Variants in DOCK8 observed in about 807,000 individuals in gnomAD.
DOCK8 encodes the protein dedicator of cytokinesis 8.
Under a neutral mutation model 245.6 loss-of-function variants are expected in DOCK8, and 141 were observed. That is an observed-to-expected ratio of 0.57 (90% CI 0.50 to 0.66). The LOEUF (loss-of-function observed/expected upper bound fraction) is 0.66, where lower values mean the gene tolerates loss of function less well. Among genes scored for constraint, DOCK8 ranks in the 30% least tolerant of loss-of-function variants. The probability of loss-of-function intolerance (pLI) is 0.00; values close to 1 mark genes in which losing one functional copy is unlikely to be tolerated. For missense variants in DOCK8, 2,965 were observed against 2,603.4 expected (o/e 1.14, Z -3.02); for synonymous variants, 1,168 against 970.2 (o/e 1.20, Z -3.79).
chr9:339,739 C>G (rs1586741510), intron 13 of DOCK8, among the ~76,000 whole-genome samples: 1 of 152,220 alleles, frequency 6.6e-6, no homozygotes, highest in African/African-American at 2.4e-5. Flanking sequence ...TTGTCTCGAT[C>G]TCTTGACCTC....
intron 24 of DOCK8, among the ~76,000 whole-genome samples, chr9:391,390 C>T (rs77964787): frequency 2.6e-5 from 4 of 152,198 alleles, no homozygotes; most frequent in African/African-American, 4.8e-5. Context: ...TGTATTATCC[C>T]ATCTCTAGCC....
At position 304,665 on chromosome 9, in the gene DOCK8, T is replaced by A. The variant is rs747946912; in HGVS notation, c.489T>A (p.Phe163Leu). The change falls in exon 5 of 48, where the codon TTT becomes TTA. Residue 163 changes from phenylalanine to leucine, a missense_variant. Phe to Leu is a conservative substitution (Grantham distance 22, BLOSUM62 0). Around this residue, in one of 3 missense-constraint regions of DOCK8, gnomAD observed 2,825 missense variants for 2,453.5 expected, o/e 1.15. Transcript: ENST00000432829. ...DFHKTLPKQTFESETLECSEP... is the reference protein window; with the variant it reads ...DFHKTLPKQTLESETLECSEP... Reference sequence around the variant, plus strand: ...ACAAGACGCTTCCGAAACAGACGTTTGAGTCGGAAACCTTGGAGTGCAGTG... The same window carrying A: ...ACAAGACGCTTCCGAAACAGACGTTAGAGTCGGAAACCTTGGAGTGCAGTG... 6.2e-7 allele frequency: 1 copy of A among 1,614,198 alleles called. No homozygotes were observed. The highest frequency in any genetic ancestry group is 8.5e-7 in the Non-Finnish European group (1 of 1,180,028).
intron 4 of DOCK8, among the ~76,000 whole-genome samples, chr9:295,887 A>G (rs2049240937): frequency 6.6e-6 from 1 of 152,206 alleles, no homozygotes; most frequent in African/African-American, 2.4e-5. Flanking sequence ...AGACATTTAA[A>G]TCATACAAAT....
At chr9:433,633 T>C (rs111322878) in intron 37 of DOCK8, among the ~76,000 whole-genome samples, 66 of 152,254 alleles carry the variant, frequency 4.3e-4, no homozygotes, top group African/African-American at 1.5e-3. Context: ...GAGATAGAGA[T>C]AGTATGAGGA....
intron 4 of DOCK8, 137 bp from the exon 5 acceptor site, chr9:304,444 G>T: frequency 1.8e-6 from 2 of 1,142,058 alleles, no homozygotes; most frequent in Non-Finnish European, 2.6e-6. Flanking sequence ...TAAATGTGAG[G>T]AATTATAATT....
chr9:217,006 T>A (rs970914265), intron 1 of DOCK8, among the ~76,000 whole-genome samples: 1 of 152,122 alleles, frequency 6.6e-6, no homozygotes, highest in Non-Finnish European at 1.5e-5. Context: ...CCAAGTAGAG[T>A]TGATCATAGT....
intron 2 of DOCK8, among the ~76,000 whole-genome samples, chr9:274,555 G>T (rs866200048): frequency 1.4e-5 from 2 of 147,584 alleles, no homozygotes; most frequent in South Asian, 4.2e-4. Flanking sequence ...ACCTGGTATC[G>T]TGTTGTAATG....
chr9:357,141 C>G lies in DOCK8; in HGVS notation c.1680-10877C>G, dbSNP rs191497263. On this transcript the variant is annotated intron_variant, in intron 14 of 47. Transcript: ENST00000432829. ...AAAAGATAGCATTCTTGAGGGTCTG[C>G]TTTATTTAGCAGAAGGAATGCTGGT... is the stretch of plus-strand genomic sequence containing the variant. Among the ~76,000 whole-genome samples, 49 of 152,256 alleles carry G rather than the reference C, an allele frequency of 3.2e-4. 1 individual carries two copies. Among genetic ancestry groups the G allele is most frequent in the Admixed American group, 1.2e-3 (18 of 15,298 alleles).
intron 1 of DOCK8, among the ~76,000 whole-genome samples, chr9:259,990 G>C (rs553489): frequency 0.48 from 73,702 of 152,104 alleles, 18,305 homozygotes; most frequent in East Asian, 0.8. Flanking sequence ...CCAGACCACA[G>C]ATTATAACCA....
chr9:268,268 T>C (rs2048079383), intron 1 of DOCK8: 1 of 152,220 alleles, frequency 6.6e-6, no homozygotes, highest in African/African-American at 2.4e-5. Context: ...TTCTGTATAA[T>C]TGATTCTGTA....
chr9:313,209 T>C (rs2050202098), intron 6 of DOCK8, among the ~76,000 whole-genome samples: 1 of 152,224 alleles, frequency 6.6e-6, no homozygotes, highest in Admixed American at 6.5e-5. Context: ...AGCACCTTCC[T>C]CTTTGATGAT....
chr9:433,166 T>C (rs1480903351), intron 37 of DOCK8, among the ~76,000 whole-genome samples: 1 of 152,250 alleles, frequency 6.6e-6, no homozygotes, highest in Non-Finnish European at 1.5e-5. Flanking sequence ...TTTAGTTCCA[T>C]CATTTATATA....
chr9:289,590 C>T lies in DOCK8; in HGVS notation c.404+9C>T, dbSNP rs938827724. ...CTAATCGTGAACCGGAAGTAAGTTA[C>T]TTTTTTTCCACTTTTTGTATATAAA... On this transcript the variant is annotated intron_variant, in intron 4 of 47. Coordinates refer to ENST00000432829, the MANE Select transcript of DOCK8 (RefSeq NM_203447.4). 1 of 1,607,446 alleles carries T rather than the reference C, an allele frequency of 6.2e-7. No homozygotes were observed. Among genetic ancestry groups the T allele is most frequent in the Non-Finnish European group, 8.5e-7 (1 of 1,176,528 alleles).
chr9:285,081 C>T (rs1285384470), intron 2 of DOCK8, among the ~76,000 whole-genome samples: 1 of 151,946 alleles, frequency 6.6e-6, no homozygotes, highest in Non-Finnish European at 1.5e-5. Context: ...ACATGTACCC[C>T]CAAACCTAAA....
chr9:247,645 G>A (rs945454224), intron 1 of DOCK8, among the ~76,000 whole-genome samples: 49 of 151,814 alleles, frequency 3.2e-4, no homozygotes, highest in African/African-American at 8.0e-4. Flanking sequence ...GCCCTTCTCC[G>A]GCCTCAGCCT....
intron 4 of DOCK8, among the ~76,000 whole-genome samples, chr9:293,127 G>A (rs2049113724): frequency 6.6e-6 from 1 of 152,170 alleles, no homozygotes; most frequent in South Asian, 2.1e-4. Context: ...GTCACCTAGT[G>A]GACAGGGAGA....
chr9:287,578 G>T (rs1292181113), intron 3 of DOCK8, among the ~76,000 whole-genome samples: 1 of 152,120 alleles, frequency 6.6e-6, no homozygotes. Flanking sequence ...GAGGTTGGAT[G>T]ATAATGGGCT....
intron 45 of DOCK8, among the ~76,000 whole-genome samples, chr9:451,480 A>G (rs2057435473): frequency 1.3e-5 from 2 of 151,930 alleles, no homozygotes; most frequent in Non-Finnish European, 2.9e-5. Flanking sequence ...AAAAATAGCC[A>G]GGTATAGTGG....
In DOCK8 at chr9:430,179, A is replaced by C. The variant is rs547076528; in HGVS notation, c.4626+325A>C. Among the ~76,000 whole-genome samples the C allele has an allele frequency of 7.1e-4, 108 of 152,328 alleles. 1 individual carries two copies. The highest frequency in any genetic ancestry group is 4.1e-4 in the South Asian group (2 of 4,822). On this transcript the variant is annotated intron_variant, in intron 36 of 47. Transcript: ENST00000432829. Reference sequence around the variant, plus strand: ...CATTTGAAGTCAGGAGTTCAAGACTAGCCTGGCCAGCATGGTGAAATCCTG... The same window carrying C: ...CATTTGAAGTCAGGAGTTCAAGACTCGCCTGGCCAGCATGGTGAAATCCTG...
Sources: gnomAD v4.1 joint callset for allele counts (sites outside exome capture counted in the v4.1 genomes callset) on GRCh38, gnomAD v4.1.1 for gene constraint, gnomAD v4.1.1 regional missense constraint, MANE v1.5 for transcripts, NCBI Gene and HGNC (gene_info 2026-07-23, HGNC 2026-07-21) for gene names.